Variants in LINGO2 observed in about 807,000 individuals in gnomAD.
LINGO2 encodes the protein leucine rich repeat and Ig domain containing 2.
A neutral mutation model predicts 30.6 loss-of-function variants in LINGO2; 14 were observed. That is an observed-to-expected ratio of 0.46 (90% CI 0.30 to 0.72). LINGO2 has a LOEUF of 0.72. Ranked by LOEUF, LINGO2 falls within the 30% of genes least tolerant of loss-of-function variation. The pLI, the probability that LINGO2 is intolerant of heterozygous loss-of-function variation, is 0.07. For missense variants in LINGO2, 729 were observed against 751.7 expected (o/e 0.97, Z 0.35); for synonymous variants, 317 against 288.5 (o/e 1.10, Z -1.00).
chr9:28,075,532 G>A (rs921206678), intron 4 of LINGO2, among the ~76,000 whole-genome samples: 1 of 151,856 alleles, frequency 6.6e-6, no homozygotes, highest in Admixed American at 6.6e-5. Flanking sequence ...AGATATGTAT[G>A]CATGTTCTCG....
At chr9:29,054,366 T>C in the LINGO2 span, among the ~76,000 whole-genome samples, 1 of 152,170 alleles carries the variant, frequency 6.6e-6, no homozygotes, top group East Asian at 1.9e-4. Flanking sequence ...AAGTGAATAA[T>C]GGTATTGAAA....
chr9:28,353,345 C>G (rs1175972139), intron 3 of LINGO2, among the ~76,000 whole-genome samples: 3 of 150,054 alleles, frequency 2.0e-5, no homozygotes, highest in Non-Finnish European at 4.4e-5. Context: ...GGGCGAAGGA[C>G]ATGAACAGAC....
intron 1 of LINGO2, among the ~76,000 whole-genome samples, chr9:28,648,167 G>A (rs1337540086): frequency 6.6e-6 from 1 of 151,994 alleles, no homozygotes. Context: ...TGGTTTCTAT[G>A]AGATGGCAAA....
At chr9:28,742,014 G>A in the LINGO2 span, among the ~76,000 whole-genome samples, 4 of 151,970 alleles carry the variant, frequency 2.6e-5, 1 homozygote, top group African/African-American at 9.7e-5. Context: ...CTTGAGCCTA[G>A]GACTGTGGGA....
At chr9:27,949,360 G>C in exon 6 of LINGO2, 3 of 1,614,102 alleles carry the variant, frequency 1.9e-6, no homozygotes, top group Non-Finnish European at 1.7e-6. Flanking sequence ...ACAGGCTGCG[G>C]GTCTCCATCT....
Position 28,557,599 on chromosome 9 carries a change from G to A in LINGO2, c.-364-81574C>T, listed in dbSNP as rs1476888559. Reference sequence around the variant, plus strand: ...TGGAAGTCAGTGTGGCGATTCCTCAGGGATCTAGAACTAGAAATACCATTT... The same window carrying A: ...TGGAAGTCAGTGTGGCGATTCCTCAAGGATCTAGAACTAGAAATACCATTT... On this transcript the variant is annotated intron_variant, in intron 1 of 5. Transcript: ENST00000379992. Among the ~76,000 whole-genome samples the A allele has an allele frequency of 4.6e-5, 7 of 151,932 alleles. No homozygotes were observed. In the East Asian group the frequency reaches 1.4e-3, roughly 30 times the overall value.
chr9:28,011,887 C>T (rs946135684), intron 5 of LINGO2, among the ~76,000 whole-genome samples: 2 of 151,944 alleles, frequency 1.3e-5, no homozygotes, highest in East Asian at 3.9e-4. Context: ...CACATGTATG[C>T]CAACAACTGC....
At chr9:28,460,703 T>C (rs1258674652) in intron 2 of LINGO2, among the ~76,000 whole-genome samples, 1 of 152,142 alleles carries the variant, frequency 6.6e-6, no homozygotes, top group Non-Finnish European at 1.5e-5. Context: ...ATTTTACTCC[T>C]CCCTCTGGGA....
the LINGO2 span, among the ~76,000 whole-genome samples, chr9:28,851,150 A>G: frequency 6.6e-6 from 1 of 152,086 alleles, no homozygotes; most frequent in Non-Finnish European, 1.5e-5. Flanking sequence ...TTACTTCTAT[A>G]ACAAGTTACA....
intron 1 of LINGO2, among the ~76,000 whole-genome samples, chr9:28,647,356 T>G (rs989437733): frequency 6.6e-6 from 1 of 152,112 alleles, no homozygotes; most frequent in African/African-American, 2.4e-5. Context: ...TAATATATCC[T>G]TTTATTTCCT....
At position 28,660,782 on chromosome 9, in the gene LINGO2, G is replaced by C. The variant is rs76865967; in HGVS notation, c.-365+9418C>G. 1.6e-3 allele frequency among the ~76,000 whole-genome samples: 236 copies of C among 151,956 alleles called. 2 individuals are homozygous for C. The highest frequency in any genetic ancestry group is 9.7e-3 in the East Asian group (50 of 5,162). The stretch of plus-strand genomic sequence containing the variant: ...TTTAAAATGTTTGTTTCCCTCCATA[G>C]TCAATAAAACCAATAAAAAAGAGGT... On this transcript the variant is annotated intron_variant, in intron 1 of 5. Coordinates refer to ENST00000379992, the Ensembl canonical transcript of LINGO2.
the LINGO2 span, among the ~76,000 whole-genome samples, chr9:29,079,185 T>C: frequency 3.3e-5 from 5 of 151,970 alleles, no homozygotes; most frequent in Admixed American, 1.3e-4. Flanking sequence ...GTGGATGAGC[T>C]GGAAGACAAG....
intron 4 of LINGO2, among the ~76,000 whole-genome samples, chr9:28,271,527 T>C (rs1822940601): frequency 6.6e-6 from 1 of 152,186 alleles, no homozygotes; most frequent in South Asian, 2.1e-4. Context: ...CATGATAGAA[T>C]AACTTCAAAA....
At chr9:28,858,636 T>TAA in the LINGO2 span, among the ~76,000 whole-genome samples, 185 of 152,072 alleles carry the variant, frequency 1.2e-3, 2 homozygotes, top group African/African-American at 4.2e-3. Flanking sequence ...AATGGTTACT[T>TAA]CAGAGTCACA....
At chr9:27,991,734 G>T (rs904246597) in intron 5 of LINGO2, among the ~76,000 whole-genome samples, 1 of 152,020 alleles carries the variant, frequency 6.6e-6, no homozygotes, top group Non-Finnish European at 1.5e-5. Context: ...GACTCCTATG[G>T]ATAGAACATT....
intron 3 of LINGO2, among the ~76,000 whole-genome samples, chr9:28,337,693 A>C (rs984101464): frequency 6.6e-6 from 1 of 152,136 alleles, no homozygotes; most frequent in Non-Finnish European, 1.5e-5. Flanking sequence ...AAAGGGGGCC[A>C]AGTTACGGGT....
the LINGO2 span, among the ~76,000 whole-genome samples, chr9:29,166,010 A>G: frequency 6.6e-6 from 1 of 152,152 alleles, no homozygotes; most frequent in African/African-American, 2.4e-5. Flanking sequence ...GTACATATGT[A>G]TATCAAGTAA....
chr9:28,603,470 C>T (rs774649749), intron 1 of LINGO2, among the ~76,000 whole-genome samples: 1 of 152,006 alleles, frequency 6.6e-6, no homozygotes, highest in Non-Finnish European at 1.5e-5. Context: ...GGTTTCTGAA[C>T]TGATGTCTGC....
chr9:28,712,093 A>G, the LINGO2 span, among the ~76,000 whole-genome samples: 954 of 152,276 alleles, frequency 6.3e-3, 6 homozygotes, highest in Middle Eastern at 0.01. Flanking sequence ...ATTTGACAGA[A>G]TAAAATGTAA....
Sources: allele counts gnomAD v4.1 joint callset (sites outside exome capture counted in the v4.1 genomes callset), GRCh38; gene constraint gnomAD v4.1.1; transcripts MANE v1.5; gene names NCBI Gene and HGNC (gene_info 2026-07-23, HGNC 2026-07-21).